The following VSTM4 variants were observed in gnomAD, a reference collection of about 807,000 sequenced individuals.
VSTM4 encodes V-set and transmembrane domain containing 4.
A neutral mutation model predicts 36.4 loss-of-function variants in VSTM4; 20 were observed. The observed-to-expected ratio is 0.55, with a 90% CI of 0.39 to 0.80. The LOEUF (loss-of-function observed/expected upper bound fraction) is 0.80, where lower values mean the gene tolerates loss of function less well. Among genes scored for constraint, VSTM4 ranks in the 30% least tolerant of loss-of-function variants. The probability of loss-of-function intolerance (pLI) is 0.00; values close to 1 mark genes in which losing one functional copy is unlikely to be tolerated. For missense variants in VSTM4, 392 were observed against 404.5 expected, an observed-to-expected ratio of 0.97 and a Z score of 0.26; for synonymous variants, 182 against 173.9, an observed-to-expected ratio of 1.05 and a Z score of -0.37.
intron 5 of VSTM4, among the ~76,000 whole-genome samples, chr10:49,049,071 C>T (rs1843658201): frequency 6.6e-6 from 1 of 152,206 alleles, no homozygotes; most frequent in African/African-American, 2.4e-5. Context: ...TCCCCATCAC[C>T]TGGGAAAGGG....
intron 7 of VSTM4, among the ~76,000 whole-genome samples, chr10:49,022,130 T>A (rs560905106): frequency 1.3e-5 from 2 of 152,256 alleles, no homozygotes; most frequent in African/African-American, 4.8e-5. Context: ...TATTTTTTTT[T>A]ATTTAACAAT....
Position 49,035,785 on chromosome 10 carries a change from C to T in VSTM4, c.837+11198G>A, listed in dbSNP as rs568442804. On this transcript the variant is annotated intron_variant, in intron 7 of 7. Coordinates refer to ENST00000332853, the MANE Select transcript of VSTM4 (RefSeq NM_001031746.5). ...CCCAGGAGTTTGAGGCTATAGTGAGCTACGGTTGCCATTGCACTCCAGCCT... is the reference window on the plus strand; with the variant it reads ...CCCAGGAGTTTGAGGCTATAGTGAGTTACGGTTGCCATTGCACTCCAGCCT... Among the ~76,000 whole-genome samples, 165 of 151,696 alleles carry T rather than the reference C, an allele frequency of 1.1e-3. 1 individual carries two copies. The highest frequency in any genetic ancestry group is 1.8e-3 in the Non-Finnish European group (123 of 67,976).
At chr10:49,048,411 G>T in intron 6 of VSTM4, 67 bp downstream of exon 6, 1 of 1,411,876 alleles carries the variant, frequency 7.1e-7, no homozygotes, top group Non-Finnish European at 9.5e-7. Flanking sequence ...ATCCAACATG[G>T]AACCCCAGAC....
chr10:49,091,070 G>A (rs1378846602), intron 2 of VSTM4, among the ~76,000 whole-genome samples: 4 of 152,262 alleles, frequency 2.6e-5, no homozygotes, highest in Non-Finnish European at 5.9e-5. Flanking sequence ...TTTGATCTCA[G>A]TGCCAAGCCA....
chr10:49,079,681 G>C (rs188867703), intron 3 of VSTM4, among the ~76,000 whole-genome samples: 1 of 152,060 alleles, frequency 6.6e-6, no homozygotes, highest in African/African-American at 2.4e-5. Flanking sequence ...CAATAAGAAC[G>C]TGTGTCCAAT....
rs181030958 is a variant in VSTM4 at position 49,074,911 on chromosome 10, G to A, written c.634+2308C>T. On this transcript the variant is annotated intron_variant, in intron 4 of 7. Coordinates refer to ENST00000332853, the MANE Select transcript of VSTM4 (RefSeq NM_001031746.5). ...GGCTGGGGCTCAACTTCACCCTACC[G>A]CTCCCTGGTTTCAGGGCCTTCTCAA... Among the ~76,000 whole-genome samples the A allele has an allele frequency of 3.6e-4, 54 of 152,062 alleles. No homozygotes were observed. In the East Asian group the frequency reaches 8.8e-3, roughly 25 times the overall value.
intron 7 of VSTM4, among the ~76,000 whole-genome samples, chr10:49,020,528 AGAC>A: frequency 6.6e-6 from 1 of 151,210 alleles, no homozygotes; most frequent in Non-Finnish European, 1.5e-5. Context: ...ATAAGATAAG[AGAC>A]ATAAACAAAA....
chr10:49,078,561 T>C (rs992573449), intron 3 of VSTM4, among the ~76,000 whole-genome samples: 26 of 151,146 alleles, frequency 1.7e-4, no homozygotes, highest in Admixed American at 1.3e-3. Context: ...ACATTCTTGA[T>C]ATGACATTCT....
chr10:49,036,873 A>T (rs1206288832), intron 7 of VSTM4, among the ~76,000 whole-genome samples: 1 of 152,222 alleles, frequency 6.6e-6, no homozygotes, highest in Non-Finnish European at 1.5e-5. Context: ...CTGAACAAGG[A>T]TGAATGAACT....
At chr10:49,034,512 A>G (rs894702296) in intron 7 of VSTM4, among the ~76,000 whole-genome samples, 4 of 152,192 alleles carry the variant, frequency 2.6e-5, no homozygotes, top group African/African-American at 9.7e-5. Context: ...TGGTGATCAC[A>G]TGTGCTCGTT....
chr10:49,112,466 T>C (rs4364979), intron 1 of VSTM4, among the ~76,000 whole-genome samples: 41,366 of 152,166 alleles, frequency 0.27, 5,729 homozygotes, highest in Admixed American at 0.35. Context: ...CTCCTGGAGT[T>C]TCAGTTTCCT....
At chr10:49,057,795 G>A (rs141189467) in intron 5 of VSTM4, among the ~76,000 whole-genome samples, 10 of 152,314 alleles carry the variant, frequency 6.6e-5, no homozygotes, top group African/African-American at 2.2e-4. Context: ...TGTGGGCAGA[G>A]GGAGGGCACA....
chr10:49,089,901 C>T lies in VSTM4; in HGVS notation c.458-3878G>A, dbSNP rs1844441906. On this transcript the variant is annotated intron_variant, in intron 2 of 7. Coordinates refer to ENST00000332853, the MANE Select transcript of VSTM4 (RefSeq NM_001031746.5). ...CTGTGGGATGCAGCCAGGCCAACAG[C>T]AAGGGCTGTGTAGTGGACAATCAGC... Among the ~76,000 whole-genome samples, 4 of 152,236 alleles carry T rather than the reference C, an allele frequency of 2.6e-5. 1 individual carries two copies. The South Asian group carries it at 8.3e-4, about 31-fold the overall frequency.
intron 1 of VSTM4, among the ~76,000 whole-genome samples, chr10:49,114,248 C>T (rs576702831): frequency 2.9e-4 from 44 of 152,326 alleles, no homozygotes; most frequent in African/African-American, 8.9e-4. Flanking sequence ...AGATGGATTT[C>T]TTCCCACTGT....
At chr10:49,056,040 T>C (rs1013638115) in intron 5 of VSTM4, among the ~76,000 whole-genome samples, 21 of 152,248 alleles carry the variant, frequency 1.4e-4, no homozygotes, top group Admixed American at 5.2e-4. Flanking sequence ...ATCTGCTCCA[T>C]GACATTTCTG....
intron 5 of VSTM4, among the ~76,000 whole-genome samples, chr10:49,058,094 C>T (rs1436048386): frequency 6.6e-6 from 1 of 152,218 alleles, no homozygotes; most frequent in Admixed American, 6.5e-5. Flanking sequence ...AATGTCTCTG[C>T]AGCCATCCTC....
At chr10:49,029,463 C>A (rs191436162) in intron 7 of VSTM4, among the ~76,000 whole-genome samples, 1 of 152,286 alleles carries the variant, frequency 6.6e-6, no homozygotes, top group Admixed American at 6.5e-5. Context: ...ATCCTCATGC[C>A]AGCACTGTGA....
intron 2 of VSTM4, among the ~76,000 whole-genome samples, chr10:49,099,241 C>T (rs11100985): frequency 0.17 from 25,558 of 152,228 alleles, 2,382 homozygotes; most frequent in Non-Finnish European, 0.22. Flanking sequence ...TGCAAATGCA[C>T]GGCTGATTCG....
intron 1 of VSTM4, among the ~76,000 whole-genome samples, chr10:49,110,940 T>C (rs1313895945): frequency 6.6e-6 from 1 of 152,210 alleles, no homozygotes; most frequent in Non-Finnish European, 1.5e-5. Context: ...TACCTGCACC[T>C]TCAGCACCAG....
Sources: gnomAD v4.1 joint callset for allele counts (sites outside exome capture counted in the v4.1 genomes callset) on GRCh38, gnomAD v4.1.1 for gene constraint, MANE v1.5 for transcripts, NCBI Gene and HGNC (gene_info 2026-07-23, HGNC 2026-07-21) for gene names.